CC2D2A: variants seen among roughly 807,000 people sequenced by gnomAD.
The protein encoded by CC2D2A is coiled-coil and C2 domain-containing protein 2A.
A neutral mutation model predicts 212.9 loss-of-function variants in CC2D2A; 155 were observed. That is an observed-to-expected ratio of 0.73 (90% CI 0.64 to 0.83). The LOEUF is 0.83. Among genes scored for constraint, CC2D2A ranks in the 40% least tolerant of loss-of-function variants. The pLI, the probability that CC2D2A is intolerant of heterozygous loss-of-function variation, is 0.00. For synonymous variants in CC2D2A, 667 were observed against 686.5 expected (o/e 0.97, Z 0.44); for missense variants, 1,856 against 1,956.2 (o/e 0.95, Z 0.97).
chr4:15,586,744 A>G (rs936107770), intron 31 of CC2D2A, among the ~76,000 whole-genome samples: 2 of 152,194 alleles, frequency 1.3e-5, no homozygotes, highest in Non-Finnish European at 2.9e-5. Context: ...TATGCTGCAT[A>G]ATCTCTCAAA....
chr4:15,501,839 C>G (rs1189090358), intron 4 of CC2D2A, among the ~76,000 whole-genome samples: 1 of 152,170 alleles, frequency 6.6e-6, no homozygotes, highest in African/African-American at 2.4e-5. Flanking sequence ...GCAGGTATCA[C>G]AGAACCTGGC....
rs2109011530 is a variant in CC2D2A, at chr4:15,514,728, G to A, written c.739G>A (p.Gly247Ser). 6.3e-7 allele frequency: 1 copy of A among 1,594,354 alleles called. No individual in the cohort carries two copies. Among genetic ancestry groups the A allele is most frequent in the East Asian group, 2.2e-5 (1 of 44,446 alleles). The change falls in exon 9 of 37, where the codon GGT becomes AGT. Residue 247 changes from glycine (G) to serine (S), a missense_variant. By Grantham distance (56) the Gly-to-Ser change is moderately conservative. Coordinates refer to ENST00000424120, the MANE Select transcript of CC2D2A (RefSeq NM_001378615.1). ...GCAGGATGAGGAAGAACTGCTTAAT[G>A]GTGATGATGCCGAGGACTTCCTATT... ...KEMDEEELLN[G>S]DDAEDFLLGL...
At chr4:15,561,754 T>C (rs1719613377) in intron 23 of CC2D2A, among the ~76,000 whole-genome samples, 2 of 152,122 alleles carry the variant, frequency 1.3e-5, no homozygotes, top group Admixed American at 6.5e-5. Context: ...GGAGGAAGCA[T>C]TGACAATGGA....
chr4:15,559,423 A>G (rs1032438438), intron 22 of CC2D2A, among the ~76,000 whole-genome samples, 166 bp downstream of exon 22: 4 of 152,192 alleles, frequency 2.6e-5, no homozygotes, highest in Non-Finnish European at 5.9e-5. Flanking sequence ...AACTATCATC[A>G]CCTTTCAAAT....
chr4:15,563,753 A>AT, intron 24 of CC2D2A: 1 of 527,292 alleles, frequency 1.9e-6, no homozygotes, highest in Non-Finnish European at 3.4e-6. Context: ...GACAAGAGGT[A>AT]TAGCTGAATT....
intron 33 of CC2D2A, among the ~76,000 whole-genome samples, chr4:15,591,578 C>T (rs974394423): frequency 2.0e-5 from 3 of 152,116 alleles, no homozygotes; most frequent in African/African-American, 7.2e-5. Flanking sequence ...ATGCCAAGCA[C>T]GCAGCAAAAT....
intron 4 of CC2D2A, chr4:15,492,671 AG>A: frequency 1.6e-6 from 1 of 612,744 alleles, no homozygotes; most frequent in Non-Finnish European, 3.0e-6. Context: ...TCAGCAGCTG[AG>A]GGTCTCTCTC....
chr4:15,580,670 A>T (rs2109083922), intron 30 of CC2D2A, among the ~76,000 whole-genome samples: 1 of 150,792 alleles, frequency 6.6e-6, no homozygotes, highest in African/African-American at 2.4e-5. Flanking sequence ...GTCTAAAGGT[A>T]CCAGGGATGA....
At chr4:15,561,348 C>A (rs192486476) in intron 23 of CC2D2A, among the ~76,000 whole-genome samples, 66 of 152,214 alleles carry the variant, frequency 4.3e-4, no homozygotes, top group African/African-American at 1.5e-3. Context: ...TTTCTCTCCA[C>A]CATCAAGTTG....
chr4:15,559,696 T>G (rs1322043769), intron 22 of CC2D2A, among the ~76,000 whole-genome samples: 1 of 149,262 alleles, frequency 6.7e-6, no homozygotes, highest in African/African-American at 2.5e-5. Flanking sequence ...CTTCCTTCAA[T>G]AAACTTAACT....
Position 15,516,495 on chromosome 4 carries a change from T to C in CC2D2A, c.1018-130T>C, listed in dbSNP as rs1015015853. 15 of 814,560 alleles carry C rather than the reference T, an allele frequency of 1.8e-5. No individual in the cohort carries two copies. In the African/African-American group the frequency reaches 2.3e-4, roughly 12 times the overall value. The allele number at this position is 814,560 out of a possible 1,614,324, so 50.5% of individuals were successfully genotyped here. A position where few individuals can be genotyped will look rare whatever the true frequency, so the allele number is the denominator to read the frequency against. ...TCTAATGGAAACAGAACTTTTACAG[T>C]TCTGTTGGGGGAGGAAGTACATGAA... On this transcript the variant is annotated intron_variant, in intron 10 of 36. Coordinates refer to ENST00000424120, the MANE Select transcript of CC2D2A (RefSeq NM_001378615.1).
At chr4:15,588,828 C>T (rs186945354) in intron 32 of CC2D2A, among the ~76,000 whole-genome samples, 2 of 151,942 alleles carry the variant, frequency 1.3e-5, no homozygotes, top group African/African-American at 4.8e-5. Context: ...GCCCCGCCTT[C>T]CCCAGAAAAC....
In CC2D2A at chr4:15,469,942, C is replaced by A. The variant is rs1713608855; in HGVS notation, c.-134C>A. On this transcript the variant is annotated 5_prime_UTR_variant, in exon 1 of 37. Transcript: ENST00000424120. ...TTCCCAGGGAGGAGCCCAGGGGCATCTCCAACACTCAGCCTTTCCCTCCGG... is the reference window on the plus strand; with the variant it reads ...TTCCCAGGGAGGAGCCCAGGGGCATATCCAACACTCAGCCTTTCCCTCCGG... 6.6e-6 allele frequency: 1 copy of A among 152,220 alleles called. No individual in the cohort carries two copies. Among genetic ancestry groups the A allele is most frequent in the Non-Finnish European group, 1.5e-5 (1 of 68,058 alleles). The allele number at this position is 152,220 out of a possible 1,614,324, so 9.4% of individuals were successfully genotyped here. A position where few individuals can be genotyped will look rare whatever the true frequency, so the allele number is the denominator to read the frequency against.
At chr4:15,508,390 T>C (rs554573602) in intron 6 of CC2D2A, among the ~76,000 whole-genome samples, 1 of 152,132 alleles carries the variant, frequency 6.6e-6, no homozygotes, top group Non-Finnish European at 1.5e-5. Context: ...TAAACTAAAA[T>C]GTTTAGTCGT....
intron 6 of CC2D2A, among the ~76,000 whole-genome samples, chr4:15,508,851 G>A (rs1015243521): frequency 6.6e-6 from 1 of 152,188 alleles, no homozygotes; most frequent in South Asian, 2.1e-4. Context: ...TTCTGTCATA[G>A]GTAGAATAAG....
intron 4 of CC2D2A, among the ~76,000 whole-genome samples, chr4:15,487,389 A>G (rs910126903): frequency 1.3e-5 from 2 of 152,132 alleles, no homozygotes; most frequent in South Asian, 2.1e-4. Context: ...TTATCATTGT[A>G]TAATGACCTT....
intron 4 of CC2D2A, among the ~76,000 whole-genome samples, chr4:15,502,122 CA>C (rs1483109691): frequency 6.6e-6 from 1 of 152,166 alleles, no homozygotes; most frequent in Non-Finnish European, 1.5e-5. Flanking sequence ...GTGCCTTGAA[CA>C]ATCAAGTGTC....
At chr4:15,472,825 G>A (rs1713925864) in intron 1 of CC2D2A, among the ~76,000 whole-genome samples, 1 of 152,056 alleles carries the variant, frequency 6.6e-6, no homozygotes, top group African/African-American at 2.4e-5. Flanking sequence ...CTGTGATGAG[G>A]TTTGTAGAGA....
In CC2D2A at chr4:15,601,421, G is replaced by A; in HGVS notation, c.4859G>A (p.Arg1620Lys). Residue 1620 changes from arginine to lysine, a missense_variant, in exon 37 of 37, where the codon AGG becomes AAG. Physicochemically the swap from Arg to Lys is conservative, Grantham distance 26. This residue lies in a region of CC2D2A where 285 missense variants were observed against 278.4 expected (regional missense o/e 1.02). Coordinates refer to ENST00000424120, the MANE Select transcript of CC2D2A (RefSeq NM_001378615.1). ...WIYVASLIRN[R>K] ...TATGTTGCCTCTCTTATACGCAACAGGTAATTTTTTTCACTGTACTTTCTG... is the reference window on the plus strand; with the variant it reads ...TATGTTGCCTCTCTTATACGCAACAAGTAATTTTTTTCACTGTACTTTCTG... 3 of 1,458,538 alleles carry A rather than the reference G, an allele frequency of 2.1e-6. No homozygotes were observed. Among genetic ancestry groups the A allele is most frequent in the East Asian group, 2.4e-5 (1 of 41,592 alleles). 90.3% of individuals were successfully genotyped at this position (1,458,538 alleles called of 1,614,324 possible).
Sources: gnomAD v4.1 joint callset for allele counts (sites outside exome capture counted in the v4.1 genomes callset) on GRCh38, gnomAD v4.1.1 for gene constraint, gnomAD v4.1.1 regional missense constraint, MANE v1.5 for transcripts, NCBI Gene and HGNC (gene_info 2026-07-23, HGNC 2026-07-21) for gene names.